XKR6: variants seen among roughly 807,000 people sequenced by gnomAD.
The protein encoded by XKR6 is XK-related protein 6.
XKR6 carries 22 observed loss-of-function variants against 56.7 expected under a neutral mutation model. That is an observed-to-expected ratio of 0.39 (90% confidence interval 0.28 to 0.55). XKR6 has a LOEUF of 0.55. XKR6 is among the 20% of genes least tolerant of loss of function. XKR6 has a pLI of 0.66. For synonymous variants in XKR6, 524 were observed against 387.8 expected (o/e 1.35, Z -4.13); for missense variants, 852 against 889.0 (o/e 0.96, Z 0.53).
chr8:11,078,947 G>A (rs556900753), intron 1 of XKR6, among the ~76,000 whole-genome samples: 1 of 152,340 alleles, frequency 6.6e-6, no homozygotes, highest in Admixed American at 6.5e-5. Context: ...TCTTCCAATG[G>A]CCAAGGCAAA....
At chr8:10,968,022 C>T (rs542883050) in intron 1 of XKR6, among the ~76,000 whole-genome samples, 7 of 152,318 alleles carry the variant, frequency 4.6e-5, no homozygotes, top group African/African-American at 1.7e-4. Flanking sequence ...TCAGGGGCCA[C>T]CTGTGGACAT....
intron 1 of XKR6, among the ~76,000 whole-genome samples, chr8:11,102,140 T>C (rs976339176): frequency 2.0e-5 from 3 of 152,158 alleles, no homozygotes; most frequent in Non-Finnish European, 2.9e-5. Context: ...TGTGGGTCAA[T>C]CCCAACTGAC....
chr8:11,097,120 G>A (rs1242638541), intron 1 of XKR6, among the ~76,000 whole-genome samples: 1 of 152,202 alleles, frequency 6.6e-6, no homozygotes, highest in Non-Finnish European at 1.5e-5. Context: ...ATCAGCAACA[G>A]GACACTTGCC....
At chr8:11,092,932 C>G (rs538958001) in intron 1 of XKR6, among the ~76,000 whole-genome samples, 1 of 152,272 alleles carries the variant, frequency 6.6e-6, no homozygotes. Flanking sequence ...CCCAGGACCC[C>G]CGCTGAGGGC....
intron 1 of XKR6, among the ~76,000 whole-genome samples, chr8:11,065,460 G>A (rs1259628161): frequency 6.6e-6 from 1 of 152,200 alleles, no homozygotes; most frequent in East Asian, 1.9e-4. Context: ...ATCCTTGGAT[G>A]CAACGTTTCC....
intron 1 of XKR6, among the ~76,000 whole-genome samples, chr8:11,011,888 G>C (rs1013146486): frequency 6.6e-6 from 1 of 152,124 alleles, no homozygotes; most frequent in African/African-American, 2.4e-5. Context: ...GAGGGAGGGA[G>C]GCCAGTGCAG....
chr8:11,191,208 T>C (rs529944497), intron 1 of XKR6, among the ~76,000 whole-genome samples: 17 of 152,312 alleles, frequency 1.1e-4, no homozygotes, highest in South Asian at 2.1e-4. Context: ...GCAGTGGCTA[T>C]CAAACCTTAA....
rs139944573 is a variant in XKR6, at chr8:10,974,348, A to T, written c.765-49518T>A. On this transcript the variant is annotated intron_variant, in intron 1 of 2. Transcript: ENST00000416569. ...TGAAGAGCACCTTGGCCACAGTCAC[A>T]GTGAGACCATTGCCAGCTAATTCTC... Among the ~76,000 whole-genome samples, 814 of 152,352 alleles carry T rather than the reference A, an allele frequency of 5.3e-3. 5 individuals are homozygous for T. Among genetic ancestry groups the T allele is most frequent in the Non-Finnish European group, 0.01 (693 of 68,028 alleles).
At chr8:11,159,248 C>T (rs1801674985) in intron 1 of XKR6, among the ~76,000 whole-genome samples, 1 of 152,230 alleles carries the variant, frequency 6.6e-6, no homozygotes, top group Admixed American at 6.5e-5. Flanking sequence ...CTCTAGAAAG[C>T]ATGTCATCAG....
chr8:11,158,277 T>A (rs1726390955), intron 1 of XKR6, among the ~76,000 whole-genome samples: 1 of 152,064 alleles, frequency 6.6e-6, no homozygotes, highest in South Asian at 2.1e-4. Flanking sequence ...CAGGAAAAAT[T>A]TAAAAGTAAC....
chr8:11,127,374 A>G (rs1236856227), intron 1 of XKR6, among the ~76,000 whole-genome samples: 1 of 152,206 alleles, frequency 6.6e-6, no homozygotes, highest in East Asian at 1.9e-4. Context: ...AAATTTCAGT[A>G]TTAGTTTCAC....
chr8:11,102,090 TG>T (rs566006278), intron 1 of XKR6, among the ~76,000 whole-genome samples: 124 of 152,340 alleles, frequency 8.1e-4, no homozygotes, highest in African/African-American at 2.8e-3. Context: ...AGTCACTGGC[TG>T]AAAAATTTCA....
chr8:10,963,310 C>T (rs1802120401), intron 1 of XKR6, among the ~76,000 whole-genome samples: 2 of 152,256 alleles, frequency 1.3e-5, no homozygotes, highest in Non-Finnish European at 2.9e-5. Flanking sequence ...TCAGCGAGGC[C>T]TTTCTCGACC....
At chr8:11,050,509 C>A (rs1799518951) in intron 1 of XKR6, among the ~76,000 whole-genome samples, 6 of 148,894 alleles carry the variant, frequency 4.0e-5, no homozygotes, top group Admixed American at 4.0e-4. Context: ...CAGCCAAATC[C>A]AAGGGACAGA....
chr8:11,042,471 C>T (rs560094400), intron 1 of XKR6, among the ~76,000 whole-genome samples: 150 of 152,292 alleles, frequency 9.8e-4, no homozygotes, highest in Non-Finnish European at 1.8e-3. Flanking sequence ...AGTTCCCCTG[C>T]ACATACTCTG....
At chr8:10,986,761 T>C (rs1431797109) in intron 1 of XKR6, among the ~76,000 whole-genome samples, 1 of 152,128 alleles carries the variant, frequency 6.6e-6, no homozygotes, top group Non-Finnish European at 1.5e-5. Context: ...TTAAGATCTT[T>C]TTCATAGGTT....
At chr8:11,199,098 C>A (rs1331189143) in intron 1 of XKR6, among the ~76,000 whole-genome samples, 1 of 152,170 alleles carries the variant, frequency 6.6e-6, no homozygotes, top group African/African-American at 2.4e-5. Context: ...TTTATTCTCT[C>A]ACTTCTTATA....
intron 1 of XKR6, among the ~76,000 whole-genome samples, chr8:10,960,371 T>C (rs536268533): frequency 6.6e-6 from 1 of 152,188 alleles, no homozygotes; most frequent in Non-Finnish European, 1.5e-5. Context: ...GGCACGGTCA[T>C]AGCGTTACCC....
At chr8:11,190,208 GAAAGAAAGAAAGAAAGAGAAAAGAA>G (rs1803494480) in intron 1 of XKR6, among the ~76,000 whole-genome samples, 1 of 93,918 alleles carries the variant, frequency 1.1e-5, no homozygotes, top group South Asian at 3.1e-4. Context: ...AGAAAGAAAA[GAAAGAAAGAAAGAAAGAGAAAAGAA>G]AAAAGAAAAA....
Sources: allele counts gnomAD v4.1 joint callset (sites outside exome capture counted in the v4.1 genomes callset), GRCh38; gene constraint gnomAD v4.1.1; transcripts MANE v1.5; gene names NCBI Gene and HGNC (gene_info 2026-07-23, HGNC 2026-07-21).